TAFA2: variants seen among roughly 807,000 people sequenced by gnomAD.
The protein encoded by TAFA2 is TAFA chemokine like family member 2.
A neutral mutation model predicts 18.8 loss-of-function variants in TAFA2; 7 were observed. The observed-to-expected ratio is 0.37, with a 90% CI of 0.21 to 0.70. The LOEUF is 0.70. Ranked by LOEUF, TAFA2 falls within the 30% of genes least tolerant of loss-of-function variation. The pLI is 0.53. For synonymous variants in TAFA2, 60 were observed against 54.2 expected, an observed-to-expected ratio of 1.11 and a Z score of -0.47; for missense variants, 122 against 158.1, an observed-to-expected ratio of 0.77 and a Z score of 1.23.
At chr12:61,880,212 G>T in intron 1 of TAFA2, 1 of 494,646 alleles carries the variant, frequency 2.0e-6, no homozygotes, top group Non-Finnish European at 3.8e-6. Context: ...AGGAAGCACG[G>T]GGATAACCTG....
chr12:61,829,063 T>TA (rs575507300), intron 2 of TAFA2, among the ~76,000 whole-genome samples: 87 of 151,802 alleles, frequency 5.7e-4, no homozygotes, highest in Non-Finnish European at 1.1e-3. Context: ...TGAATTTATT[T>TA]AAATGTCACA....
rs373370504 is a variant in TAFA2 at position 61,867,329 on chromosome 12, G to A, written c.97C>T (p.His33Tyr). Residue 33 changes from histidine (H) to tyrosine (Y), a missense_variant, in exon 2 of 5, where the codon CAT becomes TAT. Physicochemically the swap from His to Tyr is moderately conservative, Grantham distance 83. Transcript: ENST00000416284. ...AAACAGAAAAGCTTACCTTTATGAT[G>A]GTTTGCACTGGATACAACTTTCCCC... The part of the protein sequence containing the change: ...LWGKVVSSAN[H>Y]HKAHHVKTGT... The A allele has an allele frequency of 3.2e-6, 5 of 1,578,304 alleles. No individual in the cohort carries two copies. The African/African-American group carries it at 5.5e-5, about 17-fold the overall frequency.
intron 1 of TAFA2, among the ~76,000 whole-genome samples, chr12:62,100,138 T>TACACACAC (rs373455310): frequency 0.037 from 5,423 of 145,706 alleles, 141 homozygotes; most frequent in Non-Finnish European, 0.052. Context: ...CAACTCCCTC[T>TACACACAC]ACACACACAC....
At chr12:62,234,431 G>T in intron 1 of TAFA2, 1 of 758,066 alleles carries the variant, frequency 1.3e-6, no homozygotes, top group East Asian at 2.9e-5. Flanking sequence ...TTGTTGGCCC[G>T]TGGGTCTGAG....
intron 1 of TAFA2, chr12:61,878,257 C>A: frequency 3.1e-6 from 1 of 319,156 alleles, no homozygotes; most frequent in African/African-American, 2.2e-5. Flanking sequence ...TGTGAATGTA[C>A]TTAATGCTGC....
chr12:61,969,449 G>A (rs760067372), intron 1 of TAFA2, among the ~76,000 whole-genome samples: 1 of 151,608 alleles, frequency 6.6e-6, no homozygotes, highest in East Asian at 2.0e-4. Context: ...TAAAATATTA[G>A]ACTATTTTTA....
At chr12:62,152,068 AC>A (rs2062332402) in intron 1 of TAFA2, among the ~76,000 whole-genome samples, 1 of 152,222 alleles carries the variant, frequency 6.6e-6, no homozygotes, top group Admixed American at 6.5e-5. Flanking sequence ...AAAATACACA[AC>A]AGAATGCTAT....
chr12:61,932,752 T>A (rs1210977169), intron 1 of TAFA2, among the ~76,000 whole-genome samples: 1 of 152,184 alleles, frequency 6.6e-6, no homozygotes, highest in South Asian at 2.1e-4. Context: ...ATAACTCTTG[T>A]AATGGCCCAG....
intron 1 of TAFA2, among the ~76,000 whole-genome samples, chr12:61,976,614 G>T (rs1465040922): frequency 2.6e-5 from 4 of 151,822 alleles, no homozygotes; most frequent in Non-Finnish European, 5.9e-5. Flanking sequence ...ATGTATATAT[G>T]TGCCATGTTG....
intron 1 of TAFA2, among the ~76,000 whole-genome samples, chr12:62,053,501 A>G (rs972292831): frequency 6.6e-6 from 1 of 152,202 alleles, no homozygotes; most frequent in African/African-American, 2.4e-5. Context: ...AACACCAACC[A>G]TTAACAAATT....
intron 1 of TAFA2, among the ~76,000 whole-genome samples, chr12:62,072,261 G>A (rs531566347): frequency 7.3e-5 from 11 of 151,544 alleles, no homozygotes; most frequent in East Asian, 3.9e-4. Flanking sequence ...TCAGGAGATC[G>A]AGACCACCCT....
At position 62,149,931 on chromosome 12, in the gene TAFA2, C is replaced by T. The variant is rs930568; in HGVS notation, c.-2+41328G>A. Among the ~76,000 whole-genome samples the T allele has an allele frequency of 4.4e-3, 669 of 152,130 alleles. 6 individuals are homozygous for T. The highest frequency in any genetic ancestry group is 0.015 in the African/African-American group (626 of 41,446). ...TCCATCTCCCTTTTATAAAGATCGA[C>T]GCAATTACTCTCCTTAAAGCTAAGG... On this transcript the variant is annotated intron_variant, in intron 1 of 4. Coordinates refer to ENST00000416284, the MANE Select transcript of TAFA2 (RefSeq NM_178539.5).
Position 62,132,299 on chromosome 12 carries a change from GAAAA to G in TAFA2, c.-2+58956_-2+58959del, listed in dbSNP as rs3031069. Among the ~76,000 whole-genome samples, 22 of 147,540 alleles carry G rather than the reference GAAAA, an allele frequency of 1.5e-4. No homozygotes were observed. The East Asian group carries it at 2.2e-3, about 15-fold the overall frequency. Reference sequence around the variant, plus strand: ...TATTAAGAAAGGCCCACAGTTAGCAGAAAAAAAAAAAAATGAGTTTCCAGGAGAC... The same window carrying G: ...TATTAAGAAAGGCCCACAGTTAGCAGAAAAAAAAATGAGTTTCCAGGAGAC... On this transcript the variant is annotated intron_variant, in intron 1 of 4. Transcript: ENST00000416284.
intron 1 of TAFA2, among the ~76,000 whole-genome samples, chr12:62,214,079 T>C (rs1457814984): frequency 6.6e-6 from 1 of 152,136 alleles, no homozygotes; most frequent in African/African-American, 2.4e-5. Context: ...TCACAAACCA[T>C]TAAGATGCAC....
chr12:62,173,362 A>G (rs2062491969), intron 1 of TAFA2, among the ~76,000 whole-genome samples: 1 of 152,194 alleles, frequency 6.6e-6, no homozygotes, highest in Non-Finnish European at 1.5e-5. Context: ...TGGTGAGCCA[A>G]GATCACACCA....
At chr12:61,965,385 T>G (rs193145947) in intron 1 of TAFA2, among the ~76,000 whole-genome samples, 5 of 152,088 alleles carry the variant, frequency 3.3e-5, no homozygotes, top group Admixed American at 1.3e-4. Flanking sequence ...AAACTTCTAT[T>G]GTTTATAAGC....
chr12:61,810,280 TG>T (rs1479187902), intron 2 of TAFA2, among the ~76,000 whole-genome samples: 1 of 151,022 alleles, frequency 6.6e-6, no homozygotes, highest in Admixed American at 6.6e-5. Context: ...CTTTCTCTAA[TG>T]GGGGAAAATT....
chr12:62,032,464 A>T (rs935308304), intron 1 of TAFA2, among the ~76,000 whole-genome samples: 2 of 152,164 alleles, frequency 1.3e-5, no homozygotes, highest in African/African-American at 4.8e-5. Context: ...GGAATAAAAA[A>T]CATTATGTTT....
At position 61,879,849 on chromosome 12, in the gene TAFA2, A is replaced by G. The variant is rs2121266786; in HGVS notation, c.-1-12423T>C. The stretch of plus-strand genomic sequence containing the variant: ...ATGCAGGAGCTGGTGGAGGACTTCA[A>G]GAAGAAGTACCATGATGAGATCAAT... On this transcript the variant is annotated intron_variant, in intron 1 of 4. Coordinates refer to ENST00000416284, the MANE Select transcript of TAFA2 (RefSeq NM_178539.5). 2.6e-5 allele frequency: 28 copies of G among 1,097,104 alleles called. No homozygotes were observed. The South Asian group carries it at 3.5e-4, about 14-fold the overall frequency. 68.0% of individuals were successfully genotyped at this position (1,097,104 alleles called of 1,614,324 possible). A position where few individuals can be genotyped will look rare whatever the true frequency, so the allele number is the denominator to read the frequency against.
Sources: gnomAD v4.1 joint callset for allele counts (sites outside exome capture counted in the v4.1 genomes callset) on GRCh38, gnomAD v4.1.1 for gene constraint, MANE v1.5 for transcripts, NCBI Gene and HGNC (gene_info 2026-07-23, HGNC 2026-07-21) for gene names.